The following USP28 variants were observed in gnomAD, a reference collection of about 807,000 sequenced individuals.
The protein encoded by USP28 is ubiquitin carboxyl-terminal hydrolase 28.
In USP28, 113 loss-of-function variants were observed where a neutral mutation model predicts 145.0. That is an observed-to-expected ratio of 0.78 (90% CI 0.67 to 0.91). The LOEUF is 0.91. Ranked by LOEUF, USP28 falls within the 40% of genes least tolerant of loss-of-function variation. The pLI is 0.00. For missense variants in USP28, 1,201 were observed against 1,289.6 expected, an observed-to-expected ratio of 0.93 and a Z score of 1.05; for synonymous variants, 447 against 450.9, an observed-to-expected ratio of 0.99 and a Z score of 0.11.
At chr11:113,852,180 C>T (rs1463184509) in intron 3 of USP28, among the ~76,000 whole-genome samples, 2 of 152,150 alleles carry the variant, frequency 1.3e-5, no homozygotes, top group Non-Finnish European at 2.9e-5. Context: ...AGGTGCCCAC[C>T]ACCACACCCA....
intron 1 of USP28, among the ~76,000 whole-genome samples, chr11:113,855,866 G>A (rs1414819117): frequency 6.6e-6 from 1 of 152,148 alleles, no homozygotes; most frequent in African/African-American, 2.4e-5. Flanking sequence ...AGCCAAGATC[G>A]CGGCATTGCA....
intron 5 of USP28, among the ~76,000 whole-genome samples, chr11:113,840,385 CTATTCAATA>C (rs1945065229): frequency 6.6e-6 from 1 of 152,214 alleles, no homozygotes; most frequent in Non-Finnish European, 1.5e-5. Flanking sequence ...TCCAAAACAC[CTATTCAATA>C]TATTTACAAC....
intron 2 of USP28, 145 bp downstream of exon 2, chr11:113,854,113 A>G (rs1946779910): frequency 1.5e-6 from 1 of 678,006 alleles, no homozygotes; most frequent in African/African-American, 1.8e-5. Context: ...TTACATGTTG[A>G]AGACATTGGG....
At chr11:113,806,325 C>G (rs777281945) in intron 19 of USP28, among the ~76,000 whole-genome samples, 164 bp downstream of exon 20, 2 of 152,148 alleles carry the variant, frequency 1.3e-5, no homozygotes, top group Non-Finnish European at 2.9e-5. Flanking sequence ...GCCTCCAACT[C>G]CTGAGCTCAA....
exon 24 of USP28, chr11:113,801,485 G>A: frequency 1.3e-6 from 2 of 1,573,872 alleles, no homozygotes; most frequent in Non-Finnish European, 1.7e-6. Context: ...GCATATACCT[G>A]CAATATCTTG....
intron 19 of USP28, among the ~76,000 whole-genome samples, chr11:113,805,336 G>C (rs189749763): frequency 6.6e-6 from 1 of 150,542 alleles, no homozygotes; most frequent in East Asian, 2.0e-4. Flanking sequence ...GCTCACTGCA[G>C]CCCTGAACTC....
intron 17 of USP28, among the ~76,000 whole-genome samples, chr11:113,808,742 A>G (rs778790622): frequency 2.6e-5 from 4 of 152,232 alleles, no homozygotes; most frequent in Non-Finnish European, 5.9e-5. Flanking sequence ...TCTTTTAGGA[A>G]GATCACCTTT....
At chr11:113,815,917 C>A (rs954393891) in intron 13 of USP28, among the ~76,000 whole-genome samples, 4 of 152,166 alleles carry the variant, frequency 2.6e-5, no homozygotes, top group Non-Finnish European at 5.9e-5. Flanking sequence ...CTAGGTGACA[C>A]CTTGGAGAGT....
At chr11:113,809,002 G>C (rs900085578) in intron 17 of USP28, 61 bp downstream of exon 17, 2 of 1,551,370 alleles carry the variant, frequency 1.3e-6, no homozygotes, top group Admixed American at 1.7e-5. Flanking sequence ...GTATAGGGCT[G>C]GCTAGGGGAG....
At chr11:113,803,956 T>C in intron 21 of USP28, 79 bp from the exon 23 acceptor site, 1 of 1,254,816 alleles carries the variant, frequency 8.0e-7, no homozygotes, top group South Asian at 1.3e-5. Context: ...TTTAAATTCA[T>C]TACAAATATT....
At chr11:113,874,824 G>C (rs1949210153) in intron 1 of USP28, 2 of 1,052,558 alleles carry the variant, frequency 1.9e-6, no homozygotes, top group South Asian at 5.7e-5. Flanking sequence ...GGGAACAGGA[G>C]ATCATCATCA....
chr11:113,813,547 G>A (rs1591187130), intron 15 of USP28, among the ~76,000 whole-genome samples: 1 of 152,156 alleles, frequency 6.6e-6, no homozygotes, highest in South Asian at 2.1e-4. Flanking sequence ...GGAAAGAAAG[G>A]ATAACTGTTC....
At chr11:113,853,704 G>A (rs1221694003) in intron 2 of USP28, among the ~76,000 whole-genome samples, 8 of 151,644 alleles carry the variant, frequency 5.3e-5, no homozygotes, top group East Asian at 1.9e-4. Flanking sequence ...GTGAAACCCC[G>A]TCTCTACTAA....
intron 1 of USP28, among the ~76,000 whole-genome samples, chr11:113,873,978 T>G (rs1949087306): frequency 6.8e-6 from 1 of 147,694 alleles, no homozygotes; most frequent in Non-Finnish European, 1.5e-5. Context: ...CCATCTCTAC[T>G]AAAAATACAA....
At chr11:113,804,800 T>C (rs1939653293) in intron 20 of USP28, 49 bp from the exon 22 acceptor site, 4 of 1,611,736 alleles carry the variant, frequency 2.5e-6, no homozygotes, top group Non-Finnish European at 2.5e-6. Context: ...AGGGCAAAAC[T>C]TCCCCAACAG....
exon 23 of USP28, chr11:113,803,181 A>G: frequency 6.2e-7 from 1 of 1,614,068 alleles, no homozygotes; most frequent in Non-Finnish European, 8.5e-7. Flanking sequence ...CTTCGGTATA[A>G]AGCAATCACG....
intron 21 of USP28, 108 bp downstream of exon 22, chr11:113,804,565 G>A: frequency 1.1e-6 from 1 of 948,396 alleles, no homozygotes; most frequent in Non-Finnish European, 1.6e-6. Context: ...GGGGAAAGTG[G>A]AAGAACAAGT....
intron 3 of USP28, among the ~76,000 whole-genome samples, chr11:113,847,444 G>C (rs542173977): frequency 7.2e-6 from 1 of 137,966 alleles, no homozygotes; most frequent in African/African-American, 2.6e-5. Flanking sequence ...TGCAAGAAAC[G>C]GGACGGGGGT....
Position 113,803,150 on chromosome 11 carries a change from G to A in USP28, c.2862+8C>T. 1.9e-6 allele frequency: 3 copies of A among 1,610,772 alleles called. No homozygotes were observed. Among genetic ancestry groups the A allele is most frequent in the Non-Finnish European group, 2.5e-6 (3 of 1,179,468 alleles). ...AAAAAACCTTAAGGCTTTACAAACA[G>A]TACAAACCAGAAGGCATTTTCTTCG... On this transcript the variant is annotated splice_region_variant and intron_variant, in intron 23 of 24. Coordinates refer to ENST00000003302, the Ensembl canonical transcript of USP28.
Sources: gnomAD v4.1 joint callset for allele counts (sites outside exome capture counted in the v4.1 genomes callset) on GRCh38, gnomAD v4.1.1 for gene constraint, MANE v1.5 for transcripts, NCBI Gene and HGNC (gene_info 2026-07-23, HGNC 2026-07-21) for gene names.